Variants in AFG1L observed in about 807,000 individuals in gnomAD.
AFG1L encodes the protein AFG1 like ATPase, also known as AFG1-like ATPase.
In AFG1L, 53 loss-of-function variants were observed where a neutral mutation model predicts 62.2. The ratio of observed to expected loss-of-function variants is 0.85; its 90% confidence interval spans 0.68 to 1.07. The LOEUF (loss-of-function observed/expected upper bound fraction) is 1.07. Ranked by LOEUF, AFG1L falls within the 50% of genes least tolerant of loss-of-function variation. The pLI is 0.00. For missense variants in AFG1L, 555 were observed against 590.5 expected (o/e 0.94, Z 0.62); for synonymous variants, 228 against 210.3 (o/e 1.08, Z -0.73).
chr6:108,459,969 T>A (rs1772390048), intron 8 of AFG1L, among the ~76,000 whole-genome samples: 2 of 152,132 alleles, frequency 1.3e-5, no homozygotes, highest in Admixed American at 6.5e-5. Flanking sequence ...AGGGAACCTT[T>A]AGTTTAAAGG....
intron 2 of AFG1L, among the ~76,000 whole-genome samples, chr6:108,328,658 C>T (rs1012079033): frequency 4.6e-5 from 7 of 152,010 alleles, no homozygotes; most frequent in Non-Finnish European, 7.4e-5. Context: ...CTGCCCCAGC[C>T]TCCTGGAAAT....
At chr6:108,411,584 A>T (rs1164893661) in intron 7 of AFG1L, among the ~76,000 whole-genome samples, 1 of 151,990 alleles carries the variant, frequency 6.6e-6, no homozygotes, top group Non-Finnish European at 1.5e-5. Context: ...AGGCAGCAAC[A>T]TTTTCCGTTC....
chr6:108,409,308 TC>T (rs1719478679), intron 7 of AFG1L, among the ~76,000 whole-genome samples: 1 of 152,204 alleles, frequency 6.6e-6, no homozygotes, highest in Non-Finnish European at 1.5e-5. Flanking sequence ...TGCTCACTCC[TC>T]TTTGGAAATC....
At chr6:108,497,352 ATTTG>A (rs1774011970) in intron 10 of AFG1L, among the ~76,000 whole-genome samples, 1 of 151,862 alleles carries the variant, frequency 6.6e-6, no homozygotes, top group African/African-American at 2.4e-5. Context: ...CTATTTTTTC[ATTTG>A]TTTATTAGCC....
chr6:108,447,190 G>A (rs772920100), intron 7 of AFG1L, 24 bp from the exon 8 acceptor site: 9 of 1,253,294 alleles, frequency 7.2e-6, no homozygotes, highest in Admixed American at 1.8e-5. Flanking sequence ...GTTTAAAAAG[G>A]CACTTCATTT....
intron 6 of AFG1L, among the ~76,000 whole-genome samples, chr6:108,367,579 A>T (rs1312612486): frequency 6.6e-6 from 1 of 152,176 alleles, no homozygotes; most frequent in Admixed American, 6.6e-5. Flanking sequence ...AATTGGAAGG[A>T]TAAAGTTGCT....
intron 3 of AFG1L, among the ~76,000 whole-genome samples, chr6:108,350,267 C>T (rs1240600268): frequency 1.4e-5 from 2 of 147,642 alleles, no homozygotes; most frequent in Non-Finnish European, 1.5e-5. Context: ...CTCAGGAGTT[C>T]GAGACCAGCC....
chr6:108,356,679 A>G lies in AFG1L; in HGVS notation c.518-11A>G, dbSNP rs769477051. 8.3e-6 allele frequency: 13 copies of G among 1,573,670 alleles called. No homozygotes were observed. The highest frequency in any genetic ancestry group is 1.1e-5 in the Non-Finnish European group (13 of 1,161,186). On this transcript the variant is annotated splice_polypyrimidine_tract_variant and intron_variant, in intron 4 of 12. Transcript: ENST00000368977. ...ATATATTTCATCTGTGTTTAATTTC[A>G]TGCATTTAAGGAATACATCGCCTTA...
intron 3 of AFG1L, among the ~76,000 whole-genome samples, chr6:108,348,051 A>G (rs1755923181): frequency 6.6e-6 from 1 of 151,948 alleles, no homozygotes; most frequent in African/African-American, 2.4e-5. Context: ...AAGGGCATTG[A>G]ATAAGTAGGT....
chr6:108,383,598 C>T (rs1443547654), intron 6 of AFG1L, among the ~76,000 whole-genome samples: 2 of 151,856 alleles, frequency 1.3e-5, no homozygotes, highest in Non-Finnish European at 2.9e-5. Flanking sequence ...TGCCAGAATA[C>T]AGAAATAGAA....
intron 10 of AFG1L, among the ~76,000 whole-genome samples, chr6:108,478,659 T>C (rs1773218849): frequency 6.6e-6 from 1 of 152,118 alleles, no homozygotes; most frequent in Admixed American, 6.5e-5. Context: ...GCAAGGAAAA[T>C]AAACTTGAGA....
intron 7 of AFG1L, among the ~76,000 whole-genome samples, chr6:108,440,820 C>CAAAAAAAA (rs372126617): frequency 6.8e-6 from 1 of 147,614 alleles, no homozygotes; most frequent in Non-Finnish European, 1.5e-5. Flanking sequence ...GACTCCATCT[C>CAAAAAAAA]AAAAAAAGAA....
At chr6:108,426,601 T>C (rs1340558019) in intron 7 of AFG1L, among the ~76,000 whole-genome samples, 1 of 152,172 alleles carries the variant, frequency 6.6e-6, no homozygotes, top group Non-Finnish European at 1.5e-5. Flanking sequence ...TAAAATTCTG[T>C]TTGTTATGAC....
At chr6:108,341,238 C>A (rs186183360) in intron 2 of AFG1L, among the ~76,000 whole-genome samples, 233 of 152,192 alleles carry the variant, frequency 1.5e-3, no homozygotes, top group African/African-American at 4.6e-3. Context: ...TTGAAGTTTT[C>A]TTTCTGGCTT....
chr6:108,442,228 T>TA (rs2114738505), intron 7 of AFG1L, among the ~76,000 whole-genome samples: 1 of 152,066 alleles, frequency 6.6e-6, no homozygotes, highest in South Asian at 2.1e-4. Flanking sequence ...CTCGCAATTA[T>TA]AGCAGGAACA....
chr6:108,378,103 T>G (rs1358313967), intron 6 of AFG1L, among the ~76,000 whole-genome samples: 1 of 151,586 alleles, frequency 6.6e-6, no homozygotes, highest in African/African-American at 2.4e-5. Context: ...TTCTTTCTTC[T>G]GCTTGGTCCA....
intron 8 of AFG1L, among the ~76,000 whole-genome samples, chr6:108,449,300 A>G (rs1457775067): frequency 2.0e-5 from 3 of 152,140 alleles, no homozygotes; most frequent in Admixed American, 6.5e-5. Context: ...TCCTCAAGGA[A>G]GATAAATTTG....
chr6:108,367,132 C>T (rs1361446489), intron 6 of AFG1L, among the ~76,000 whole-genome samples: 1 of 152,120 alleles, frequency 6.6e-6, no homozygotes, highest in African/African-American at 2.4e-5. Flanking sequence ...ATATAATTTA[C>T]TTATTTATTA....
chr6:108,351,047 CAG>C (rs1484990042), intron 3 of AFG1L, among the ~76,000 whole-genome samples: 1 of 152,110 alleles, frequency 6.6e-6, no homozygotes, highest in African/African-American at 2.4e-5. Flanking sequence ...CATATCTAAA[CAG>C]AGAAGGTGCA....
Sources: allele counts gnomAD v4.1 joint callset (sites outside exome capture counted in the v4.1 genomes callset), GRCh38; gene constraint gnomAD v4.1.1; transcripts MANE v1.5; gene names NCBI Gene and HGNC (gene_info 2026-07-23, HGNC 2026-07-21).